ASCC3: variants seen among roughly 807,000 people sequenced by gnomAD.
ASCC3 encodes activating signal cointegrator 1 complex subunit 3, also known as ASC-1 complex subunit P200.
A neutral mutation model predicts 256.3 loss-of-function variants in ASCC3; 158 were observed. The ratio of observed to expected loss-of-function variants is 0.62; its 90% CI spans 0.54 to 0.70. ASCC3 has a LOEUF of 0.70. Among genes scored for constraint, ASCC3 ranks in the 30% least tolerant of loss-of-function variants. ASCC3 has a pLI of 0.00. For synonymous variants in ASCC3, 948 were observed against 883.4 expected (o/e 1.07, Z -1.30); for missense variants, 2,259 against 2,626.0 (o/e 0.86, Z 3.05).
chr6:100,704,012 T>G (rs1778463561), intron 13 of ASCC3, among the ~76,000 whole-genome samples: 1 of 151,054 alleles, frequency 6.6e-6, no homozygotes, highest in African/African-American at 2.4e-5. Context: ...AATATTAACT[T>G]AAAAGTAAAA....
intron 36 of ASCC3, among the ~76,000 whole-genome samples, chr6:100,571,902 C>T (rs77040649): frequency 6.6e-6 from 1 of 152,112 alleles, no homozygotes; most frequent in African/African-American, 2.4e-5. Context: ...GAGTTATCAC[C>T]CACAGGCAGA....
intron 4 of ASCC3, among the ~76,000 whole-genome samples, chr6:100,828,833 T>C (rs957349462): frequency 6.6e-6 from 1 of 151,996 alleles, no homozygotes; most frequent in Non-Finnish European, 1.5e-5. Flanking sequence ...TTCCACAGTG[T>C]GGAAGCGGAC....
intron 37 of ASCC3, among the ~76,000 whole-genome samples, chr6:100,519,416 T>A (rs919307417): frequency 6.6e-6 from 1 of 152,134 alleles, no homozygotes; most frequent in African/African-American, 2.4e-5. Flanking sequence ...TGAATGCACA[T>A]ATTTATAAAT....
intron 10 of ASCC3, among the ~76,000 whole-genome samples, chr6:100,732,165 CAAAAAAA>C (rs386408063): frequency 1.9e-5 from 2 of 105,126 alleles, no homozygotes; most frequent in African/African-American, 7.6e-5. Flanking sequence ...CGTCTCAAAA[CAAAAAAA>C]AAAAAAAAAA....
At chr6:100,732,479 T>A (rs1054669318) in intron 10 of ASCC3, among the ~76,000 whole-genome samples, 6 of 152,214 alleles carry the variant, frequency 3.9e-5, no homozygotes, top group African/African-American at 1.4e-4. Context: ...AAGAAATAGA[T>A]GTTTTCATAG....
intron 16 of ASCC3, among the ~76,000 whole-genome samples, chr6:100,656,550 T>C (rs1453306321): frequency 1.3e-5 from 2 of 151,592 alleles, no homozygotes; most frequent in Non-Finnish European, 3.0e-5. Flanking sequence ...CTTCAGATTG[T>C]ATCTTGAAAG....
intron 39 of ASCC3, among the ~76,000 whole-genome samples, chr6:100,514,138 C>T (rs758203993): frequency 6.6e-6 from 1 of 152,086 alleles, no homozygotes; most frequent in African/African-American, 2.4e-5. Context: ...ATTTTCAATT[C>T]AACTCCAATC....
At position 100,563,577 on chromosome 6, in the gene ASCC3, C is replaced by T. The variant is rs138528493; in HGVS notation, c.5551-23190G>A. ...CTGTGGTGGGGAAGGAGGCATTCCTCGCACGTGGATTAGCATGAGCTTCAT... is the reference window on the plus strand; with the variant it reads ...CTGTGGTGGGGAAGGAGGCATTCCTTGCACGTGGATTAGCATGAGCTTCAT... On this transcript the variant is annotated intron_variant, in intron 36 of 41. Coordinates refer to ENST00000369162, the MANE Select transcript of ASCC3 (RefSeq NM_006828.4). Among the ~76,000 whole-genome samples the T allele has an allele frequency of 2.2e-3, 337 of 152,134 alleles. 2 individuals carry two copies. Among genetic ancestry groups the T allele is most frequent in the Middle Eastern group, 0.014 (4 of 294 alleles).
In ASCC3 at chr6:100,779,226, C is replaced by T. The variant is rs74472233; in HGVS notation, c.1396-11881G>A. On this transcript the variant is annotated intron_variant, in intron 8 of 41. Coordinates refer to ENST00000369162, the MANE Select transcript of ASCC3 (RefSeq NM_006828.4). Reference sequence around the variant, plus strand: ...AATATGAAGCAACATGAAAAAAATCCTATATACATTAAGTGAAAAAAATAC... The same window carrying T: ...AATATGAAGCAACATGAAAAAAATCTTATATACATTAAGTGAAAAAAATAC... Among the ~76,000 whole-genome samples, 1,950 of 151,960 alleles carry T rather than the reference C, an allele frequency of 0.013. 101 individuals carry two copies. In the East Asian group the frequency reaches 0.15, roughly 12 times the overall value.
intron 11 of ASCC3, among the ~76,000 whole-genome samples, chr6:100,724,564 G>GA (rs1428247330): frequency 6.6e-6 from 1 of 151,790 alleles, no homozygotes; most frequent in Non-Finnish European, 1.5e-5. Context: ...CTTACAGAGT[G>GA]AAAGAAATGG....
intron 36 of ASCC3, among the ~76,000 whole-genome samples, chr6:100,562,885 C>T (rs1410627716): frequency 1.3e-5 from 2 of 152,048 alleles, no homozygotes; most frequent in African/African-American, 2.4e-5. Context: ...GCCCAACTTA[C>T]AGTGTTCTCA....
At chr6:100,739,811 A>G (rs1780343424) in intron 10 of ASCC3, among the ~76,000 whole-genome samples, 1 of 149,938 alleles carries the variant, frequency 6.7e-6, no homozygotes, top group African/African-American at 2.5e-5. Flanking sequence ...ATTGTGTTTG[A>G]TTCTTTTCTC....
rs147798789 is a variant in ASCC3 at position 100,571,144 on chromosome 6, A to G, written c.5550+18490T>C. On this transcript the variant is annotated intron_variant, in intron 36 of 41. Coordinates refer to ENST00000369162, the MANE Select transcript of ASCC3 (RefSeq NM_006828.4). ...TCACCTCTGCCTCCTAGGCCCTCTCAGTGTACACTCCACTTCAAGCATACT... is the reference window on the plus strand; with the variant it reads ...TCACCTCTGCCTCCTAGGCCCTCTCGGTGTACACTCCACTTCAAGCATACT... 4.8e-4 allele frequency among the ~76,000 whole-genome samples: 73 copies of G among 152,034 alleles called. 1 individual carries two copies. The highest frequency in any genetic ancestry group is 1.7e-3 in the African/African-American group (69 of 41,492).
rs1049897577 is a variant in ASCC3 at position 100,798,781 on chromosome 6, T to A, written c.1327A>T (p.Ile443Phe). 6.2e-7 allele frequency: 1 copy of A among 1,612,956 alleles called. No individual in the cohort carries two copies. The highest frequency in any genetic ancestry group is 1.3e-5 in the African/African-American group (1 of 74,882). The change falls in exon 8 of 42, where the codon ATT (isoleucine) becomes TTT (phenylalanine). Residue 443 changes from isoleucine (I) to phenylalanine (F), a missense_variant. Physicochemically the swap from Ile to Phe is conservative, Grantham distance 21. Coordinates refer to ENST00000369162, the MANE Select transcript of ASCC3 (RefSeq NM_006828.4). Reference sequence around the variant, plus strand: ...AGTGGCATTGGTTCGCTGTAGGGAATCCTTACTTCTTCATAAAGCTTGTTA... The same window carrying A: ...AGTGGCATTGGTTCGCTGTAGGGAAACCTTACTTCTTCATAAAGCTTGTTA... ...ENNKLYEEVR[I>F]PYSEPMPLSF...
intron 36 of ASCC3, among the ~76,000 whole-genome samples, chr6:100,553,084 C>T (rs1582436512): frequency 6.6e-6 from 1 of 152,138 alleles, no homozygotes; most frequent in East Asian, 1.9e-4. Flanking sequence ...GCTTGCTTCA[C>T]CACTTTACTT....
At chr6:100,714,839 C>G (rs1290385286) in intron 13 of ASCC3, among the ~76,000 whole-genome samples, 1 of 151,960 alleles carries the variant, frequency 6.6e-6, no homozygotes, top group Non-Finnish European at 1.5e-5. Flanking sequence ...AAGTTCAAAT[C>G]ATCTTTGATT....
intron 8 of ASCC3, among the ~76,000 whole-genome samples, chr6:100,790,387 A>T (rs1242419606): frequency 1.3e-5 from 2 of 151,976 alleles, no homozygotes; most frequent in Non-Finnish European, 2.9e-5. Flanking sequence ...TGTATCCACC[A>T]TAACTCCTAG....
chr6:100,793,316 TCA>T (rs889943084), intron 8 of ASCC3, among the ~76,000 whole-genome samples: 1 of 151,958 alleles, frequency 6.6e-6, no homozygotes, highest in African/African-American at 2.4e-5. Context: ...GAAAAATACT[TCA>T]GAGTATGGAT....
At chr6:100,728,984 T>A (rs571218995) in intron 10 of ASCC3, among the ~76,000 whole-genome samples, 9 of 152,170 alleles carry the variant, frequency 5.9e-5, no homozygotes, top group African/African-American at 2.2e-4. Flanking sequence ...GAGAAAGCAC[T>A]AGACACAGTA....
Sources: gnomAD v4.1 joint callset for allele counts (sites outside exome capture counted in the v4.1 genomes callset) on GRCh38, gnomAD v4.1.1 for gene constraint, MANE v1.5 for transcripts, NCBI Gene and HGNC (gene_info 2026-07-23, HGNC 2026-07-21) for gene names.